The following LPP variants were observed in gnomAD, a reference collection of about 807,000 sequenced individuals.
LPP encodes the protein lipoma-preferred partner.
In LPP, 38 loss-of-function variants were observed where a neutral mutation model predicts 60.4. That is an observed-to-expected ratio of 0.63 (90% confidence interval 0.49 to 0.83). The LOEUF is 0.83. Ranked by LOEUF, LPP falls within the 40% of genes least tolerant of loss-of-function variation. LPP has a pLI of 0.00. For synonymous variants in LPP, 328 were observed against 290.8 expected, an observed-to-expected ratio of 1.13 and a Z score of -1.30; for missense variants, 902 against 783.6, an observed-to-expected ratio of 1.15 and a Z score of -1.80.
intron 9 of LPP, among the ~76,000 whole-genome samples, chr3:188,773,261 G>C (rs756657156): frequency 2.4e-4 from 37 of 151,396 alleles, no homozygotes; most frequent in Non-Finnish European, 5.1e-4. Flanking sequence ...GCAGAGTAAG[G>C]GGATGCCAGC....
chr3:188,349,773 T>G (rs1047546529), intron 3 of LPP, among the ~76,000 whole-genome samples: 29 of 152,238 alleles, frequency 1.9e-4, no homozygotes, highest in African/African-American at 6.8e-4. Context: ...GTGGCAGCAC[T>G]GAGACCTGTT....
At chr3:188,858,012 A>T (rs1764249893) in intron 9 of LPP, among the ~76,000 whole-genome samples, 1 of 152,230 alleles carries the variant, frequency 6.6e-6, no homozygotes, top group Non-Finnish European at 1.5e-5. Flanking sequence ...AAACCTCACA[A>T]CACTGCAATG....
chr3:188,792,451 AC>A (rs1744073150), intron 9 of LPP, among the ~76,000 whole-genome samples: 1 of 151,934 alleles, frequency 6.6e-6, no homozygotes, highest in African/African-American at 2.4e-5. Context: ...TCCAAATCCT[AC>A]CTTTCTGTTC....
At chr3:188,701,391 A>C (rs1864374721) in intron 7 of LPP, among the ~76,000 whole-genome samples, 1 of 152,230 alleles carries the variant, frequency 6.6e-6, no homozygotes, top group South Asian at 2.1e-4. Flanking sequence ...AAAAAAAAAA[A>C]TCTTTATTTT....
At chr3:188,244,941 A>C (rs1159875906) in intron 2 of LPP, among the ~76,000 whole-genome samples, 4 of 152,056 alleles carry the variant, frequency 2.6e-5, no homozygotes, top group Non-Finnish European at 5.9e-5. Flanking sequence ...GTATCTCCTT[A>C]CTAGGCATAT....
rs11380757 is a variant in LPP at position 188,273,589 on chromosome 3, C to CTTTTTTTTTT, written c.-67+48076_-67+48085dup. Among the ~76,000 whole-genome samples, 19 of 80,434 alleles carry CTTTTTTTTTT rather than the reference C, an allele frequency of 2.4e-4. 1 individual carries two copies. The highest frequency in any genetic ancestry group is 2.8e-4 in the African/African-American group (6 of 21,310). 52.8% of individuals were successfully genotyped at this position (80,434 alleles called of 152,430 possible). ...CCACCTTGACTTGGCTATTTTATATCTTTTTTTTTTTTTTTTTTTTTTTGA... is the reference window on the plus strand; with the variant it reads ...CCACCTTGACTTGGCTATTTTATATCTTTTTTTTTTTTTTTTTTTTTTTTTTTTTTTTTGA... On this transcript the variant is annotated intron_variant, in intron 2 of 11. Transcript: ENST00000617246.
rs139869344 is a variant in LPP, at chr3:188,387,626, G to A, written c.-9-18486G>A. 5.3e-3 allele frequency among the ~76,000 whole-genome samples: 798 copies of A among 150,456 alleles called. 10 individuals are homozygous for A. The highest frequency in any genetic ancestry group is 0.019 in the African/African-American group (757 of 40,866). On this transcript the variant is annotated intron_variant, in intron 3 of 11. Coordinates refer to ENST00000617246, the MANE Select transcript of LPP (RefSeq NM_001375462.1). ...CTGTCGCCCATGCTGGAGTGCAGTG[G>A]CATGATCTCAGCTCACTGCAACCTC...
chr3:188,214,476 A>G (rs963921769), intron 1 of LPP, among the ~76,000 whole-genome samples: 3 of 152,210 alleles, frequency 2.0e-5, no homozygotes, highest in Non-Finnish European at 4.4e-5. Context: ...GGAAGATGGT[A>G]GAAATATGTT....
chr3:188,669,147 A>G (rs1390912611), intron 7 of LPP, among the ~76,000 whole-genome samples: 2 of 152,192 alleles, frequency 1.3e-5, no homozygotes, highest in East Asian at 3.9e-4. Context: ...GACAGAAACA[A>G]GAGGACCATG....
chr3:188,500,377 A>G (rs1002769021), intron 5 of LPP, among the ~76,000 whole-genome samples: 48 of 152,096 alleles, frequency 3.2e-4, no homozygotes, highest in African/African-American at 1.1e-3. Context: ...TGTTAATATA[A>G]TATATAACCT....
intron 6 of LPP, among the ~76,000 whole-genome samples, chr3:188,577,637 T>C (rs1306321126): frequency 2.0e-5 from 3 of 151,916 alleles, no homozygotes; most frequent in African/African-American, 7.2e-5. Context: ...AAAAAAACTT[T>C]AGTAATAAAT....
intron 9 of LPP, among the ~76,000 whole-genome samples, chr3:188,785,753 T>C (rs1222997035): frequency 6.6e-6 from 1 of 151,824 alleles, no homozygotes; most frequent in African/African-American, 2.4e-5. Context: ...TAAATGGTGG[T>C]TCTACTTTTA....
At chr3:188,408,373 C>A (rs1488880490) in intron 4 of LPP, among the ~76,000 whole-genome samples, 2 of 152,108 alleles carry the variant, frequency 1.3e-5, no homozygotes, top group Non-Finnish European at 2.9e-5. Flanking sequence ...GCTTTAGACT[C>A]CTTTACTGTG....
chr3:188,589,128 A>G (rs957747079), intron 6 of LPP, among the ~76,000 whole-genome samples: 1 of 151,786 alleles, frequency 6.6e-6, no homozygotes, highest in Non-Finnish European at 1.5e-5. Context: ...TTTTATATCT[A>G]TATACATATA....
At chr3:188,851,517 C>G (rs916632301) in intron 9 of LPP, among the ~76,000 whole-genome samples, 1 of 152,146 alleles carries the variant, frequency 6.6e-6, no homozygotes, top group Non-Finnish European at 1.5e-5. Context: ...GTACTTTATG[C>G]CTTGGGCATT....
At chr3:188,235,995 T>A (rs1721769323) in intron 2 of LPP, among the ~76,000 whole-genome samples, 1 of 152,150 alleles carries the variant, frequency 6.6e-6, no homozygotes, top group African/African-American at 2.4e-5. Flanking sequence ...TTGCAAATAG[T>A]AATAATGATG....
intron 8 of LPP, among the ~76,000 whole-genome samples, chr3:188,734,041 C>T (rs916528038): frequency 2.6e-5 from 4 of 151,890 alleles, no homozygotes; most frequent in Non-Finnish European, 5.9e-5. Flanking sequence ...TTACTTTTAA[C>T]GTTTGCCTTA....
intron 7 of LPP, among the ~76,000 whole-genome samples, chr3:188,685,225 T>C (rs1026068767): frequency 6.6e-6 from 1 of 152,048 alleles, no homozygotes; most frequent in Non-Finnish European, 1.5e-5. Context: ...AAGGAGGACA[T>C]TGTTTGGGGC....
chr3:188,427,409 G>T (rs1377463498), intron 4 of LPP, among the ~76,000 whole-genome samples: 2 of 151,792 alleles, frequency 1.3e-5, no homozygotes, highest in Non-Finnish European at 2.9e-5. Context: ...TTCAACCTTG[G>T]TGGGGTAACC....
Sources: gnomAD v4.1 joint callset for allele counts (sites outside exome capture counted in the v4.1 genomes callset) on GRCh38, gnomAD v4.1.1 for gene constraint, MANE v1.5 for transcripts, NCBI Gene and HGNC (gene_info 2026-07-23, HGNC 2026-07-21) for gene names.